The following ARHGEF4 variants were observed in gnomAD, a reference collection of about 807,000 sequenced individuals.
ARHGEF4 encodes the protein Rho guanine nucleotide exchange factor 4, also known as APC-stimulated guanine nucleotide exchange factor 1.
Under a neutral mutation model 162.0 loss-of-function variants are expected in ARHGEF4, and 119 were observed. That is an observed-to-expected ratio of 0.73 (90% confidence interval 0.63 to 0.86). The LOEUF (loss-of-function observed/expected upper bound fraction) is 0.86. ARHGEF4 is among the 40% of genes least tolerant of loss of function. The pLI, the probability that ARHGEF4 is intolerant of heterozygous loss-of-function variation, is 0.00. For missense variants in ARHGEF4, 2,488 were observed against 2,456.0 expected (o/e 1.01, Z -0.28); for synonymous variants, 1,014 against 979.9 (o/e 1.03, Z -0.65).
chr2:130,887,890 C>G (rs1296530356), intron 1 of ARHGEF4, among the ~76,000 whole-genome samples: 3 of 152,072 alleles, frequency 2.0e-5, no homozygotes, highest in Non-Finnish European at 4.4e-5. Flanking sequence ...CCGAATGTCA[C>G]TCTTGCTCAC....
At chr2:130,855,171 G>C (rs368204992) in intron 1 of ARHGEF4, among the ~76,000 whole-genome samples, 1 of 152,016 alleles carries the variant, frequency 6.6e-6, no homozygotes, top group East Asian at 1.9e-4. Context: ...TACCGCGCCC[G>C]GCCGGAGGAG....
chr2:130,855,059 T>A (rs1681675208), intron 1 of ARHGEF4, among the ~76,000 whole-genome samples: 1 of 151,716 alleles, frequency 6.6e-6, no homozygotes, highest in Non-Finnish European at 1.5e-5. Context: ...TTTGTATTTT[T>A]AGTAGAGACG....
chr2:130,883,172 C>A (rs1267663250), intron 1 of ARHGEF4, among the ~76,000 whole-genome samples: 1 of 152,068 alleles, frequency 6.6e-6, no homozygotes, highest in Non-Finnish European at 1.5e-5. Flanking sequence ...ATGTAGTGGG[C>A]AGACAGTGAG....
rs1361142377 is a variant in ARHGEF4 at position 131,040,107 on chromosome 2, G to C, written c.4397G>C (p.Ser1466Thr). 5.6e-6 allele frequency: 9 copies of C among 1,611,712 alleles called. No individual in the cohort carries two copies. Among genetic ancestry groups the C allele is most frequent in the Non-Finnish European group, 7.6e-6 (9 of 1,178,636 alleles). The change falls in exon 7 of 14, where the codon AGC becomes ACC. Residue 1466 changes from serine to threonine, a missense_variant. By Grantham distance (58) the Ser-to-Thr change is moderately conservative. This residue lies in a region of ARHGEF4 where 174 missense variants were observed against 148.3 expected (regional missense o/e 1.17). Coordinates refer to ENST00000409359, the MANE Select transcript of ARHGEF4 (RefSeq NM_001367493.1). Reference sequence around the variant, plus strand: ...GACGGCGGGGCGGAGGCGCAGAGCAGCAAGGACCAGATGCGGACCAACGTC... The same window carrying C: ...GACGGCGGGGCGGAGGCGCAGAGCACCAAGGACCAGATGCGGACCAACGTC... ...AEDGGAEAQS[S>T]KDQMRTNVIN...
At chr2:131,006,467 G>T (rs550266873) in intron 4 of ARHGEF4, among the ~76,000 whole-genome samples, 1 of 152,384 alleles carries the variant, frequency 6.6e-6, no homozygotes, top group East Asian at 1.9e-4. Flanking sequence ...AGCGGCCCAG[G>T]AGCTGGCTGG....
chr2:130,896,727 CA>C (rs1466163974), intron 1 of ARHGEF4, among the ~76,000 whole-genome samples: 2 of 152,170 alleles, frequency 1.3e-5, no homozygotes, highest in Non-Finnish European at 2.9e-5. Flanking sequence ...TTATATTTGG[CA>C]AACAAAGAGG....
chr2:131,042,023 A>G (rs1365498939), intron 10 of ARHGEF4, 79 bp downstream of exon 10: 15 of 1,527,168 alleles, frequency 9.8e-6, no homozygotes, highest in Non-Finnish European at 1.2e-5. Context: ...TGAAAAATCT[A>G]GAAGGGAGCT....
rs759687144 is a variant in ARHGEF4, at chr2:131,041,359, A to G, written c.4792A>G (p.Ile1598Val). Residue 1598 changes from isoleucine (I) to valine (V), a missense_variant, in exon 9 of 14, where the codon ATT becomes GTT. Coordinates refer to ENST00000409359, the MANE Select transcript of ARHGEF4 (RefSeq NM_001367493.1). Reference sequence around the variant, plus strand: ...GGCCTGCCGGCTGCTGCAGAAGATGATTGACATCTCCCTGGATGGCTTCCT... The same window carrying G: ...GGCCTGCCGGCTGCTGCAGAAGATGGTTGACATCTCCCTGGATGGCTTCCT... ...FEACRLLQKM[I>V]DISLDGFLLT... is the part of the protein sequence containing the mutation. 6.2e-7 allele frequency: 1 copy of G among 1,613,586 alleles called. No individual in the cohort carries two copies. The highest frequency in any genetic ancestry group is 1.1e-5 in the South Asian group (1 of 91,080).
chr2:130,995,662 G>A lies in ARHGEF4; in HGVS notation c.3986-32283G>A, dbSNP rs1003267085. On this transcript the variant is annotated intron_variant, in intron 4 of 13. Coordinates refer to ENST00000409359, the MANE Select transcript of ARHGEF4 (RefSeq NM_001367493.1). Reference sequence around the variant, plus strand: ...AGGATTTATATTTGCTTCTGCCAAGGAACTCTGAGAACTAGCAATTAAGGT... The same window carrying A: ...AGGATTTATATTTGCTTCTGCCAAGAAACTCTGAGAACTAGCAATTAAGGT... 6.6e-5 allele frequency among the ~76,000 whole-genome samples: 10 copies of A among 152,212 alleles called. No homozygotes were observed. In the East Asian group the frequency reaches 1.9e-3, roughly 29 times the overall value.
Position 130,929,205 on chromosome 2 carries a change from T to TAGTTTTTA in ARHGEF4, c.3553-1745_3553-1738dup, listed in dbSNP as rs558547284. On this transcript the variant is annotated intron_variant, in intron 2 of 13. Coordinates refer to ENST00000409359, the MANE Select transcript of ARHGEF4 (RefSeq NM_001367493.1). Reference sequence around the variant, plus strand: ...TTGGGGAGAAATAACTAGCTGAAAATAGTTTTTAAATGTAGAGCAATATTT... The same window carrying TAGTTTTTA: ...TTGGGGAGAAATAACTAGCTGAAAATAGTTTTTAAGTTTTTAAATGTAGAGCAATATTT... Among the ~76,000 whole-genome samples, 3 of 152,236 alleles carry TAGTTTTTA rather than the reference T, an allele frequency of 2.0e-5. No individual in the cohort carries two copies. In the South Asian group the frequency reaches 6.2e-4, roughly 32 times the overall value.
In ARHGEF4 at chr2:131,044,350, G is replaced by A. The variant is rs775643996; in HGVS notation, c.5209G>A (p.Gly1737Ser). Residue 1737 changes from glycine (G) to serine (S), a missense_variant, in exon 12 of 14, where the codon GGC becomes AGC. Transcript: ENST00000409359. ...CTACAAGGGCCGGCTGGACATGGAC[G>A]GCCTGGAGGTGGTGGACCTGGAGGA... The part of the protein sequence containing the change: ...LYYKGRLDMD[G>S]LEVVDLEDGK... 1.6e-5 allele frequency: 26 copies of A among 1,607,008 alleles called. No individual in the cohort carries two copies. Among genetic ancestry groups the A allele is most frequent in the Middle Eastern group, 1.6e-4 (1 of 6,080 alleles).
intron 4 of ARHGEF4, among the ~76,000 whole-genome samples, chr2:130,970,417 CA>C (rs1409646429): frequency 6.6e-6 from 1 of 151,868 alleles, no homozygotes; most frequent in Non-Finnish European, 1.5e-5. Flanking sequence ...GGTAAAATCC[CA>C]TCTCTACTAA....
In ARHGEF4 at chr2:131,041,235, C is replaced by T. The variant is rs751647543; in HGVS notation, c.4668C>T (p.Ala1556=). 6 of 1,612,962 alleles carry T rather than the reference C, an allele frequency of 3.7e-6. No homozygotes were observed. Among genetic ancestry groups the T allele is most frequent in the South Asian group, 3.3e-5 (3 of 90,958 alleles). The stretch of plus-strand genomic sequence containing the variant: ...CCTCCAGCTGTGCCCCTTAGCAAGC[C>T]GACTTCCAGATCTACTCGGAGTACT... ...ELGACFLEHQ[A]DFQIYSEYCN... is the part of the protein sequence containing the mutation. Residue 1556 remains alanine, a synonymous_variant, in exon 9 of 14, where the codon GCC becomes GCT. Transcript: ENST00000409359.
intron 4 of ARHGEF4, among the ~76,000 whole-genome samples, chr2:130,958,763 T>C (rs1684450051): frequency 6.6e-6 from 1 of 151,976 alleles, no homozygotes; most frequent in Non-Finnish European, 1.5e-5. Context: ...TTCCAGAGGT[T>C]TTAAATGGTT....
chr2:131,006,697 G>A (rs1688134100), intron 4 of ARHGEF4, among the ~76,000 whole-genome samples: 1 of 152,192 alleles, frequency 6.6e-6, no homozygotes, highest in African/African-American at 2.4e-5. Flanking sequence ...CTATCCCTCT[G>A]GTCTTGCCTG....
rs560119896 is a variant in ARHGEF4 at position 130,839,106 on chromosome 2, C to T, written c.39+2114C>T. Among the ~76,000 whole-genome samples, 6 of 152,278 alleles carry T rather than the reference C, an allele frequency of 3.9e-5. No individual in the cohort carries two copies. The East Asian group carries it at 1.2e-3, about 29-fold the overall frequency. On this transcript the variant is annotated intron_variant, in intron 1 of 13. Transcript: ENST00000409359. ...CAGAGGGTCTCCTTTCTGCTGTCCA[C>T]ATGGGAGGGGCTCTGACTGCCACAG...
chr2:131,042,651 G>C (rs978504980), intron 10 of ARHGEF4, among the ~76,000 whole-genome samples: 20 of 152,206 alleles, frequency 1.3e-4, no homozygotes, highest in African/African-American at 4.6e-4. Flanking sequence ...AGAAGCCCTG[G>C]GGCGGGGCTG....
At chr2:130,957,446 C>T (rs1186069698) in intron 4 of ARHGEF4, among the ~76,000 whole-genome samples, 5 of 152,080 alleles carry the variant, frequency 3.3e-5, no homozygotes, top group Non-Finnish European at 5.9e-5. Context: ...ATAATCAGAA[C>T]AGTTGTTGCA....
At chr2:130,842,079 GTA>G (rs2104854479) in intron 1 of ARHGEF4, among the ~76,000 whole-genome samples, 1 of 152,334 alleles carries the variant, frequency 6.6e-6, no homozygotes, top group African/African-American at 2.4e-5. Context: ...GGTTTCACTT[GTA>G]ATTGGTTCCC....
Sources: gnomAD v4.1 joint callset for allele counts (sites outside exome capture counted in the v4.1 genomes callset) on GRCh38, gnomAD v4.1.1 for gene constraint, gnomAD v4.1.1 regional missense constraint, MANE v1.5 for transcripts, NCBI Gene and HGNC (gene_info 2026-07-23, HGNC 2026-07-21) for gene names.